Variants in SH3TC2 observed in about 807,000 individuals in gnomAD.
SH3TC2 encodes the protein SH3 domain and tetratricopeptide repeats 2, also known as SH3 domain and tetratricopeptide repeat-containing protein 2.
SH3TC2 carries 87 observed loss-of-function variants against 124.5 expected under a neutral mutation model. That is an observed-to-expected ratio of 0.70 (90% CI 0.59 to 0.84). SH3TC2 has a LOEUF of 0.84. Ranked by LOEUF, SH3TC2 falls within the 40% of genes least tolerant of loss-of-function variation. The pLI, the probability that SH3TC2 is intolerant of heterozygous loss-of-function variation, is 0.00. For missense variants in SH3TC2, 1,536 were observed against 1,566.4 expected (o/e 0.98, Z 0.33); for synonymous variants, 634 against 628.5 (o/e 1.01, Z -0.13).
rs1416947387 is a variant in SH3TC2 at position 149,038,458 on chromosome 5, C to G, written c.838G>C (p.Glu280Gln). 1.2e-6 allele frequency: 2 copies of G among 1,614,082 alleles called. No homozygotes were observed. Among genetic ancestry groups the G allele is most frequent in the Non-Finnish European group, 1.7e-6 (2 of 1,179,954 alleles). ...RGRCKALTGY[E>Q]PGEKDELNFY... is the part of the protein sequence containing the mutation. Reference sequence around the variant, plus strand: ...TTCAGTTCATCCTTTTCTCCTGGCTCATAACCCGTCAAGGCCTTACAGCGT... The same window carrying G: ...TTCAGTTCATCCTTTTCTCCTGGCTGATAACCCGTCAAGGCCTTACAGCGT... The change falls in exon 8 of 17, where the codon GAG becomes CAG. Residue 280 changes from glutamate to glutamine, a missense_variant. Coordinates refer to ENST00000515425, the MANE Select transcript of SH3TC2 (RefSeq NM_024577.4).
intron 1 of SH3TC2, among the ~76,000 whole-genome samples, chr5:149,061,712 G>C (rs1169024280): frequency 6.6e-6 from 1 of 152,158 alleles, no homozygotes; most frequent in African/African-American, 2.4e-5. Flanking sequence ...ACTAGAGCTA[G>C]AGGAAGTCAG....
chr5:149,062,845 GC>G, intron 1 of SH3TC2, 125 bp downstream of exon 1: 1 of 906,320 alleles, frequency 1.1e-6, no homozygotes, highest in Non-Finnish European at 1.8e-6. Context: ...AGGAGAGGCA[GC>G]CAGAAAGCAC....
At chr5:149,040,255 C>G (rs903251437) in intron 7 of SH3TC2, among the ~76,000 whole-genome samples, 2 of 152,180 alleles carry the variant, frequency 1.3e-5, no homozygotes, top group African/African-American at 4.8e-5. Context: ...AGGCAGCCCA[C>G]AGGCCGCATT....
At chr5:149,004,945 A>G (rs775802724) in intron 16 of SH3TC2, 43 bp from the exon 17 acceptor site, 120 of 1,610,174 alleles carry the variant, frequency 7.5e-5, no homozygotes, top group Middle Eastern at 1.7e-4. Flanking sequence ...AGCATTAGCA[A>G]ACACTTCCAG....
intron 12 of SH3TC2, among the ~76,000 whole-genome samples, chr5:149,013,071 A>AATT (rs146215047): frequency 6.6e-6 from 1 of 151,992 alleles, no homozygotes; most frequent in Non-Finnish European, 1.5e-5. Context: ...GATCACTTAT[A>AATT]ATTATTATTA....
chr5:149,047,901 TGCCCAGA>T lies in SH3TC2; in HGVS notation c.233_239del (p.Leu78HisfsTer49), dbSNP rs2127402263. The T allele has an allele frequency of 1.9e-6, 3 of 1,614,152 alleles. No individual in the cohort carries two copies. In the South Asian group the frequency reaches 3.3e-5, roughly 18 times the overall value. On this transcript the variant is annotated frameshift_variant, in exon 3 of 17. Coordinates refer to ENST00000515425, the MANE Select transcript of SH3TC2 (RefSeq NM_024577.4). LOFTEE classifies it high-confidence loss of function. ...GCACCTCCTGGTCCTCATTCTCCAG[TGCCCAGA>T]GCCGCCTCCGAGCAGCTTCCTGTAG...
intron 1 of SH3TC2, among the ~76,000 whole-genome samples, chr5:149,055,061 C>A (rs1290026516): frequency 2.7e-5 from 4 of 149,444 alleles, no homozygotes; most frequent in African/African-American, 9.9e-5. Context: ...GATATCTATG[C>A]AAAAAAAAAC....
chr5:149,030,632 C>T (rs775791342), intron 9 of SH3TC2, among the ~76,000 whole-genome samples: 3 of 152,252 alleles, frequency 2.0e-5, no homozygotes, highest in Non-Finnish European at 2.9e-5. Flanking sequence ...GGGCAGGGTG[C>T]TTATGCCTGA....
At position 149,003,690 on chromosome 5, in the gene SH3TC2, T is replaced by G. The variant is rs1753632859; in HGVS notation, c.*1021A>C. On this transcript the variant is annotated 3_prime_UTR_variant, in exon 17 of 17. Coordinates refer to ENST00000515425, the MANE Select transcript of SH3TC2 (RefSeq NM_024577.4). Reference sequence around the variant, plus strand: ...GCTTTGTAAAGCAGCTGCCCTGAAATCAATAAGATGCCTTGTAGTTGGGTA... The same window carrying G: ...GCTTTGTAAAGCAGCTGCCCTGAAAGCAATAAGATGCCTTGTAGTTGGGTA... 2 of 382,932 alleles carry G rather than the reference T, an allele frequency of 5.2e-6. No individual in the cohort carries two copies. Among genetic ancestry groups the G allele is most frequent in the Admixed American group, 3.2e-5 (1 of 31,202 alleles). The allele number at this position is 382,932 out of a possible 1,614,324, so 23.7% of individuals were successfully genotyped here. A position where few individuals can be genotyped will look rare whatever the true frequency, so the allele number is the denominator to read the frequency against.
At chr5:149,044,681 G>T in intron 3 of SH3TC2, 43 bp from the exon 4 acceptor site, 1 of 1,477,446 alleles carries the variant, frequency 6.8e-7, no homozygotes, top group Non-Finnish European at 9.5e-7. Flanking sequence ...TGACAGAAGT[G>T]TCCCATTAGC....
chr5:148,997,953 A>G lies in SH3TC2; in HGVS notation c.*6758T>C, dbSNP rs571479190. Among the ~76,000 whole-genome samples the G allele has an allele frequency of 1.5e-4, 23 of 152,366 alleles. No individual in the cohort carries two copies. Among genetic ancestry groups the G allele is most frequent in the African/African-American group, 5.5e-4 (23 of 41,590 alleles). ...ATGTACACACTCTCTGGTCTCAAAAAGAAGTAAGATATCCATCAAATAATA... is the reference window on the plus strand; with the variant it reads ...ATGTACACACTCTCTGGTCTCAAAAGGAAGTAAGATATCCATCAAATAATA... On this transcript the variant is annotated 3_prime_UTR_variant, in exon 17 of 17. Transcript: ENST00000515425.
rs886060100 is a variant in SH3TC2, at chr5:148,985,529, T to C, written c.*19182A>G. ...TTTGATGTAACTCCAAGTTGTTGCATGTATTGGGTGCTCATTTCTTTTTAT... is the reference window on the plus strand; with the variant it reads ...TTTGATGTAACTCCAAGTTGTTGCACGTATTGGGTGCTCATTTCTTTTTAT... On this transcript the variant is annotated 3_prime_UTR_variant, in exon 17 of 17. Coordinates refer to ENST00000515425, the MANE Select transcript of SH3TC2 (RefSeq NM_024577.4). 6.6e-6 allele frequency among the ~76,000 whole-genome samples: 1 copy of C among 152,244 alleles called. No individual in the cohort carries two copies. Among genetic ancestry groups the C allele is most frequent in the Non-Finnish European group, 1.5e-5 (1 of 68,034 alleles).
intron 1 of SH3TC2, chr5:149,062,459 G>C (rs749715670): frequency 1.2e-5 from 6 of 484,962 alleles, no homozygotes; most frequent in Non-Finnish European, 2.5e-5. Flanking sequence ...ACTCTCCATT[G>C]CCTCAACTTG....
rs937267593 is a variant in SH3TC2, at chr5:148,997,003, C to T, written c.*7708G>A. Among the ~76,000 whole-genome samples, 11 of 152,192 alleles carry T rather than the reference C, an allele frequency of 7.2e-5. No individual in the cohort carries two copies. Among genetic ancestry groups the T allele is most frequent in the African/African-American group, 1.2e-4 (5 of 41,444 alleles). ...TACTAAGTGAGTAAAAAAAGTGCTA[C>T]TACCAACATTTATGCATAAGAAACA... On this transcript the variant is annotated 3_prime_UTR_variant, in exon 17 of 17. Transcript: ENST00000515425.
In SH3TC2 at chr5:149,040,678, C is replaced by T; in HGVS notation, c.732-1G>A. On this transcript the variant is annotated splice_acceptor_variant, in intron 6 of 16. Coordinates refer to ENST00000515425, the MANE Select transcript of SH3TC2 (RefSeq NM_024577.4). LOFTEE classifies it high-confidence loss of function. The stretch of plus-strand genomic sequence containing the variant: ...TCCTGGATAATTCTTTAGGAACCAC[C>T]TGCCAATGAAAACATGGGGTTTGCA... The T allele has an allele frequency of 6.2e-7, 1 of 1,614,082 alleles. No individual in the cohort carries two copies. Among genetic ancestry groups the T allele is most frequent in the East Asian group, 2.2e-5 (1 of 44,886 alleles).
rs775440201 is a variant in SH3TC2 at position 149,027,425 on chromosome 5, C to T, written c.2307G>A (p.Glu769=). Residue 769 remains glutamate (E), a synonymous_variant, in exon 11 of 17, where the codon GAG becomes GAA. Coordinates refer to ENST00000515425, the MANE Select transcript of SH3TC2 (RefSeq NM_024577.4). ...LCLILSKVYL[E]HRSPDGAIHY... is the part of the protein sequence containing the mutation. ...GGATGGCACCGTCAGGAGACCTGTG[C>T]TCGAGGTACACTTTGGAAAGGATGA... 13 of 1,614,024 alleles carry T rather than the reference C, an allele frequency of 8.1e-6. No homozygotes were observed. The South Asian group carries it at 1.3e-4, about 16-fold the overall frequency.
Position 149,002,161 on chromosome 5 carries a change from A to AAGGG in SH3TC2, c.*2546_*2549dup, listed in dbSNP as rs1252140485. 1 of 152,712 alleles carries AAGGG rather than the reference A, an allele frequency of 6.5e-6. No homozygotes were observed. Among genetic ancestry groups the AAGGG allele is most frequent in the Non-Finnish European group, 1.5e-5 (1 of 68,082 alleles). 9.5% of individuals were successfully genotyped at this position (152,712 alleles called of 1,614,324 possible). A position where few individuals can be genotyped will look rare whatever the true frequency, so the allele number is the denominator to read the frequency against. On this transcript the variant is annotated 3_prime_UTR_variant, in exon 17 of 17. Coordinates refer to ENST00000515425, the MANE Select transcript of SH3TC2 (RefSeq NM_024577.4). ...GAGGAGAGTGAGTGGTCAGTGGGAA[A>AAGGG]AGGGAGGGGATCTGTAACCTGAGTC... is the stretch of plus-strand genomic sequence containing the variant.
At position 148,989,519 on chromosome 5, in the gene SH3TC2, C is replaced by A. The variant is rs1753389142; in HGVS notation, c.*15192G>T. On this transcript the variant is annotated 3_prime_UTR_variant, in exon 17 of 17. Transcript: ENST00000515425. ...TTGGCAGGAGCTATACCTTGGTCAG[C>A]AGAACTGTGTACCTTGGAAAATCAC... Among the ~76,000 whole-genome samples, 1 of 152,194 alleles carries A rather than the reference C, an allele frequency of 6.6e-6. No homozygotes were observed. The highest frequency in any genetic ancestry group is 1.5e-5 in the Non-Finnish European group (1 of 68,034).
Position 149,003,785 on chromosome 5 carries a change from A to C in SH3TC2, c.*926T>G, listed in dbSNP as rs1347809827. On this transcript the variant is annotated 3_prime_UTR_variant, in exon 17 of 17. Transcript: ENST00000515425. ...AGGATCACTTGAGCCCCGGAGTCTG[A>C]GGTCGCAGGAAGCCCTGACTGTACC... The C allele has an allele frequency of 2.3e-6, 1 of 437,338 alleles. No homozygotes were observed. 27.1% of individuals were successfully genotyped at this position (437,338 alleles called of 1,614,324 possible). A position where few individuals can be genotyped will look rare whatever the true frequency, so the allele number is the denominator to read the frequency against.
Sources: gnomAD v4.1 joint callset for allele counts (sites outside exome capture counted in the v4.1 genomes callset) on GRCh38, gnomAD v4.1.1 for gene constraint, MANE v1.5 for transcripts, NCBI Gene and HGNC (gene_info 2026-07-23, HGNC 2026-07-21) for gene names.